The following PKHD1L1 variants were observed in gnomAD, a reference collection of about 807,000 sequenced individuals.
PKHD1L1 encodes fibrocystin-L.
Under a neutral mutation model 462.9 loss-of-function variants are expected in PKHD1L1, and 434 were observed. That is an observed-to-expected ratio of 0.94 (90% CI 0.87 to 1.02). PKHD1L1 has a LOEUF of 1.02. Ranked by LOEUF, PKHD1L1 falls within the 50% of genes least tolerant of loss-of-function variation. The probability of loss-of-function intolerance (pLI) is 0.00; values close to 1 mark genes in which losing one functional copy is unlikely to be tolerated. For missense variants in PKHD1L1, 5,202 were observed against 5,096.1 expected (o/e 1.02, Z -0.63); for synonymous variants, 1,781 against 1,750.0 (o/e 1.02, Z -0.44).
In PKHD1L1 at chr8:109,401,559, A is replaced by G. The variant is rs753557993; in HGVS notation, c.1344A>G (p.Ser448=). ...ATTTTTCCAGTCCAACACAAAGATC[A>G]GATGATATTCATCTGCAGAAAGGAA... ...NSYFSSPTQR[S]DDIHLQKGKE... Residue 448 remains serine, a synonymous_variant, in exon 14 of 78, where the codon TCA becomes TCG. Transcript: ENST00000378402. 1.3e-6 allele frequency: 2 copies of G among 1,589,082 alleles called. No homozygotes were observed. Among genetic ancestry groups the G allele is most frequent in the African/African-American group, 1.3e-5 (1 of 74,438 alleles).
rs1171920744 is a variant in PKHD1L1 at position 109,456,279 on chromosome 8, A to C, written c.6892A>C (p.Thr2298Pro). ...GGTTCTAGGTGTGCCTGTTCCTGTG[A>C]CCTGGACTCGCTTGGCTCATACTGC... ...LDLHGVPVPV[T>P]WTRLAHTAKA... is the part of the protein sequence containing the mutation. Residue 2298 changes from threonine to proline, a missense_variant, in exon 46 of 78, where the codon ACC becomes CCC. Around this residue, in one of 3 missense-constraint regions of PKHD1L1, gnomAD observed 4,497 missense variants for 4,336.8 expected, o/e 1.04. Coordinates refer to ENST00000378402, the MANE Select transcript of PKHD1L1 (RefSeq NM_177531.6). 1 of 1,612,754 alleles carries C rather than the reference A, an allele frequency of 6.2e-7. No homozygotes were observed. Among genetic ancestry groups the C allele is most frequent in the Admixed American group, 1.7e-5 (1 of 59,848 alleles).
At chr8:109,433,878 G>A (rs1187396230) in intron 28 of PKHD1L1, among the ~76,000 whole-genome samples, 2 of 151,998 alleles carry the variant, frequency 1.3e-5, no homozygotes, top group African/African-American at 4.8e-5. Context: ...TATTATTGGT[G>A]TTCTAAAGAA....
In PKHD1L1 at chr8:109,476,629, G is replaced by A; in HGVS notation, c.8879G>A (p.Trp2960Ter). The A allele has an allele frequency of 2.5e-6, 4 of 1,600,368 alleles. No homozygotes were observed. In the East Asian group the frequency reaches 9.0e-5, roughly 36 times the overall value. ...LNWNTSKNGD[W>*]HLEANTSTLY... ...TGGAATACTAGCAAGAATGGGGACT[G>A]GCACCTTGAAGCAAACACTAGTACT... Residue 2960 changes from tryptophan (W) to a stop codon, truncating the protein, a stop_gained, in exon 52 of 78, where the codon TGG becomes TAG. Coordinates refer to ENST00000378402, the MANE Select transcript of PKHD1L1 (RefSeq NM_177531.6). LOFTEE classifies it high-confidence loss of function.
chr8:109,444,577 AT>A, intron 37 of PKHD1L1, 83 bp from the exon 38 acceptor site: 1 of 1,277,728 alleles, frequency 7.8e-7, no homozygotes, highest in African/African-American at 1.5e-5. Flanking sequence ...AACTTTTAAA[AT>A]TTGTAGTTGT....
In PKHD1L1 at chr8:109,420,909, A is replaced by T. The variant is rs145827174; in HGVS notation, c.2697+219A>T. Reference sequence around the variant, plus strand: ...AAACAGGGAGAAATATCCTTAAAAAACAAAGTCATATTTAAGTAGAGTTTT... The same window carrying T: ...AAACAGGGAGAAATATCCTTAAAAATCAAAGTCATATTTAAGTAGAGTTTT... On this transcript the variant is annotated intron_variant, in intron 23 of 77. Coordinates refer to ENST00000378402, the MANE Select transcript of PKHD1L1 (RefSeq NM_177531.6). Among the ~76,000 whole-genome samples the T allele has an allele frequency of 1.9e-3, 285 of 152,284 alleles. 1 individual carries two copies. Among genetic ancestry groups the T allele is most frequent in the Non-Finnish European group, 3.4e-3 (232 of 68,006 alleles).
Position 109,480,047 on chromosome 8 carries a change from G to T in PKHD1L1, c.9235G>T (p.Gly3079Trp). 1.3e-6 allele frequency: 2 copies of T among 1,594,074 alleles called. No homozygotes were observed. Among genetic ancestry groups the T allele is most frequent in the Non-Finnish European group, 1.7e-6 (2 of 1,171,712 alleles). Reference protein sequence around the residue: ...MPSMERLIIWGVLELEDKYNV... With the variant: ...MPSMERLIIWWVLELEDKYNV... Reference sequence around the variant, plus strand: ...ATCAATGGAAAGACTCATTATTTGGGGGGTTCTAGAACTGGAAGATAAATA... The same window carrying T: ...ATCAATGGAAAGACTCATTATTTGGTGGGTTCTAGAACTGGAAGATAAATA... Residue 3079 changes from glycine to tryptophan, a missense_variant, in exon 55 of 78, where the codon GGG (glycine) becomes TGG (tryptophan). Gly to Trp is a radical substitution (Grantham distance 184, BLOSUM62 -2). Around this residue, in one of 3 missense-constraint regions of PKHD1L1, gnomAD observed 4,497 missense variants for 4,336.8 expected, o/e 1.04. Transcript: ENST00000378402.
chr8:109,409,471 G>A lies in PKHD1L1; in HGVS notation c.1972-394G>A, dbSNP rs897197327. ...ACCATGTTGGCCAGAATCCATTGGC[G>A]TGTATAGTTTTTTTTTTCCAGTTAA... On this transcript the variant is annotated intron_variant, in intron 18 of 77. Transcript: ENST00000378402. 4.0e-5 allele frequency among the ~76,000 whole-genome samples: 6 copies of A among 151,772 alleles called. No individual in the cohort carries two copies. The East Asian group carries it at 7.7e-4, about 20-fold the overall frequency.
intron 20 of PKHD1L1, among the ~76,000 whole-genome samples, 198 bp downstream of exon 20, chr8:109,412,612 A>G (rs1813915996): frequency 6.6e-6 from 1 of 152,072 alleles, no homozygotes; most frequent in East Asian, 1.9e-4. Flanking sequence ...TTCTATATAT[A>G]TATGTATATA....
intron 45 of PKHD1L1, among the ~76,000 whole-genome samples, chr8:109,455,374 C>CA (rs150692921): frequency 2.0e-5 from 3 of 152,078 alleles, no homozygotes; most frequent in South Asian, 2.1e-4. Context: ...CAAACAAAAC[C>CA]AAAAAAACTC....
chr8:109,479,983 T>C lies in PKHD1L1; in HGVS notation c.9179-8T>C. The C allele has an allele frequency of 1.3e-6, 2 of 1,556,816 alleles. No individual in the cohort carries two copies. Among genetic ancestry groups the C allele is most frequent in the East Asian group, 4.6e-5 (2 of 43,548 alleles). On this transcript the variant is annotated splice_polypyrimidine_tract_variant and splice_region_variant and intron_variant, in intron 54 of 77. Transcript: ENST00000378402. ...TTATGTTATATTTCTTAAAGTATTG[T>C]TTTATAGGAACATGGATTGTAGCTG...
intron 27 of PKHD1L1, among the ~76,000 whole-genome samples, chr8:109,431,504 A>G (rs1047760301): frequency 6.6e-6 from 1 of 152,132 alleles, no homozygotes; most frequent in African/African-American, 2.4e-5. Flanking sequence ...GTATTCTTCC[A>G]TGACATTTTA....
chr8:109,503,325 A>G (rs79147402), intron 67 of PKHD1L1, among the ~76,000 whole-genome samples: 14 of 149,414 alleles, frequency 9.4e-5, no homozygotes, highest in Non-Finnish European at 1.6e-4. Flanking sequence ...CAAAAAAAAA[A>G]CAGAAGACCG....
intron 46 of PKHD1L1, among the ~76,000 whole-genome samples, chr8:109,456,876 G>A (rs997427791): frequency 3.3e-5 from 5 of 152,044 alleles, no homozygotes; most frequent in South Asian, 2.1e-4. Flanking sequence ...GAGCAAAATC[G>A]TTAATAATGA....
rs370160182 is a variant in PKHD1L1 at position 109,480,151 on chromosome 8, G to A, written c.9327+12G>A. On this transcript the variant is annotated intron_variant, in intron 55 of 77. Coordinates refer to ENST00000378402, the MANE Select transcript of PKHD1L1 (RefSeq NM_177531.6). The stretch of plus-strand genomic sequence containing the variant: ...ACATATCACTGCAGGTAAGAGTGAG[G>A]GCCTTGTAGTTTATATCTTTATTAA... 51 of 1,531,006 alleles carry A rather than the reference G, an allele frequency of 3.3e-5. 1 individual carries two copies. The highest frequency in any genetic ancestry group is 1.0e-4 in the South Asian group (8 of 78,054). The allele number at this position is 1,531,006 out of a possible 1,614,324, so 94.8% of individuals were successfully genotyped here. A position where few individuals can be genotyped will look rare whatever the true frequency, so the allele number is the denominator to read the frequency against.
At chr8:109,459,913 A>G (rs772930348) in intron 47 of PKHD1L1, 77 bp downstream of exon 47, 1 of 1,240,000 alleles carries the variant, frequency 8.1e-7, no homozygotes, top group Non-Finnish European at 1.1e-6. Flanking sequence ...ATTGAAATAC[A>G]TTATTTCAAT....
chr8:109,364,013 A>G (rs559761616), intron 1 of PKHD1L1, among the ~76,000 whole-genome samples: 1 of 152,322 alleles, frequency 6.6e-6, no homozygotes, highest in African/African-American at 2.4e-5. Context: ...ACTCACTATC[A>G]TCAGGAGGCT....
chr8:109,409,041 C>T (rs1027235561), intron 18 of PKHD1L1, among the ~76,000 whole-genome samples: 2 of 152,114 alleles, frequency 1.3e-5, no homozygotes, highest in Admixed American at 1.3e-4. Flanking sequence ...ACTATCTGGA[C>T]AATGAATTTA....
Position 109,523,327 on chromosome 8 carries a change from C to T in PKHD1L1, c.12425C>T (p.Thr4142Ile). The change falls in exon 76 of 78, where the codon ACA becomes ATA. Residue 4142 changes from threonine to isoleucine, a missense_variant. Coordinates refer to ENST00000378402, the MANE Select transcript of PKHD1L1 (RefSeq NM_177531.6). ...NNQVNGLSGN[T>I]TIPFSSCWAN... ...CAAGTCAATGGCCTTAGTGGAAATA[C>T]AACAATTCCGTTTAGCAGCTGTTGG... 6.2e-7 allele frequency: 1 copy of T among 1,612,512 alleles called. No individual in the cohort carries two copies. The highest frequency in any genetic ancestry group is 8.5e-7 in the Non-Finnish European group (1 of 1,179,248).
At chr8:109,447,250 A>C (rs1320801368) in intron 38 of PKHD1L1, among the ~76,000 whole-genome samples, 1 of 152,152 alleles carries the variant, frequency 6.6e-6, no homozygotes, top group African/African-American at 2.4e-5. Context: ...CAAACAAACA[A>C]AAACTTTCCT....
Sources: allele counts gnomAD v4.1 joint callset (sites outside exome capture counted in the v4.1 genomes callset), GRCh38; gene constraint gnomAD v4.1.1; regional missense constraint gnomAD v4.1.1; transcripts MANE v1.5; gene names NCBI Gene and HGNC (gene_info 2026-07-23, HGNC 2026-07-21).